The following FUBP1 variants were observed in gnomAD, a reference collection of about 807,000 sequenced individuals.
FUBP1 encodes the protein far upstream element binding protein 1.
A neutral mutation model predicts 94.9 loss-of-function variants in FUBP1; 16 were observed. That is an observed-to-expected ratio of 0.17 (90% CI 0.11 to 0.26). FUBP1 has a LOEUF of 0.26. Among genes scored for constraint, FUBP1 ranks in the 10% least tolerant of loss-of-function variants. The pLI is 1.00. For synonymous variants in FUBP1, 279 were observed against 254.9 expected (o/e 1.09, Z -0.90); for missense variants, 583 against 808.6 (o/e 0.72, Z 3.38).
chr1:77,967,224 G>A (rs1372497421), intron 4 of FUBP1, 123 bp from the exon 5 acceptor site: 54 of 613,800 alleles, frequency 8.8e-5, no homozygotes, highest in South Asian at 5.3e-4. Context: ...AAGGTTCTAG[G>A]CTCAGACTCA....
At chr1:77,975,765 ATTTC>A (rs1308613143) in intron 1 of FUBP1, among the ~76,000 whole-genome samples, 17 of 152,190 alleles carry the variant, frequency 1.1e-4, no homozygotes, top group African/African-American at 4.1e-4. Flanking sequence ...ACAAAAATAA[ATTTC>A]TTAAGTGCAC....
chr1:77,966,624 G>C, intron 7 of FUBP1, 70 bp downstream of exon 7: 3 of 812,224 alleles, frequency 3.7e-6, no homozygotes, highest in Middle Eastern at 6.8e-4. Flanking sequence ...CAGTAACAAA[G>C]AGAAGAGACA....
chr1:77,952,773 T>C (rs1257923576), intron 18 of FUBP1, among the ~76,000 whole-genome samples: 2 of 152,176 alleles, frequency 1.3e-5, no homozygotes, highest in Non-Finnish European at 2.9e-5. Flanking sequence ...AAAAGACAAA[T>C]TGACTCCGTA....
chr1:77,954,173 T>C (rs965048062), intron 18 of FUBP1, among the ~76,000 whole-genome samples: 3 of 152,232 alleles, frequency 2.0e-5, no homozygotes, highest in African/African-American at 7.2e-5. Context: ...TAAAGTTAAG[T>C]TGATTACAGG....
At chr1:77,955,872 G>GGAATAA (rs983134560) in intron 17 of FUBP1, among the ~76,000 whole-genome samples, 27 of 152,194 alleles carry the variant, frequency 1.8e-4, no homozygotes, top group Admixed American at 7.2e-4. Context: ...TCTACTAAAA[G>GGAATAA]GAATAAGAGC....
At chr1:77,955,415 G>A (rs1170868258) in intron 17 of FUBP1, 86 bp from the exon 18 acceptor site, 1 of 749,564 alleles carries the variant, frequency 1.3e-6, no homozygotes, top group African/African-American at 1.7e-5. Context: ...GGAGCTGGCA[G>A]GGGCCTGCAA....
Position 77,945,384 on chromosome 1 carries a change from T to G in FUBP1, c.*3382A>C. 1 of 212,882 alleles carries G rather than the reference T, an allele frequency of 4.7e-6. No individual in the cohort carries two copies. Among genetic ancestry groups the G allele is most frequent in the Admixed American group, 5.8e-5 (1 of 17,096 alleles). 13.2% of individuals were successfully genotyped at this position (212,882 alleles called of 1,614,324 possible). ...AGAAATTTAACAGTTCATGGAACAT[T>G]TAAGATCAAGTGAATAGCACTTTAA... is the stretch of plus-strand genomic sequence containing the variant. On this transcript the variant is annotated 3_prime_UTR_variant, in exon 20 of 20. Transcript: ENST00000370768.
intron 14 of FUBP1, among the ~76,000 whole-genome samples, 155 bp downstream of exon 14, chr1:77,962,615 G>A (rs1655706318): frequency 6.6e-6 from 1 of 152,102 alleles, no homozygotes; most frequent in Admixed American, 6.5e-5. Flanking sequence ...TTCATTGCTG[G>A]AAAATCTTCA....
At chr1:77,972,005 A>C (rs1383650146) in intron 1 of FUBP1, among the ~76,000 whole-genome samples, 1 of 71,618 alleles carries the variant, frequency 1.4e-5, no homozygotes, top group Non-Finnish European at 2.4e-5. Context: ...ACTCTGTCTC[A>C]AAAAAAAAAA....
intron 4 of FUBP1, 90 bp downstream of exon 4, chr1:77,967,537 A>T: frequency 3.3e-6 from 3 of 906,906 alleles, no homozygotes; most frequent in Non-Finnish European, 3.6e-6. Flanking sequence ...ATACACAGAC[A>T]CATATTCAAT....
chr1:77,970,267 A>G (rs1657269840), intron 1 of FUBP1, among the ~76,000 whole-genome samples: 1 of 152,208 alleles, frequency 6.6e-6, no homozygotes. Flanking sequence ...ATCAACTAGG[A>G]ATCCGGAAGA....
upstream of FUBP1, chr1:77,979,202 G>A (rs111774384): frequency 5.2e-6 from 3 of 578,028 alleles, no homozygotes; most frequent in Non-Finnish European, 9.2e-6. Flanking sequence ...GGCTGAGAAA[G>A]AACGACAGGA....
At chr1:77,964,592 T>G (rs1656126975) in intron 10 of FUBP1, 54 bp downstream of exon 10, 4 of 981,746 alleles carry the variant, frequency 4.1e-6, no homozygotes, top group Non-Finnish European at 6.6e-6. Flanking sequence ...CAGAAAACAC[T>G]ATTATATTTA....
chr1:77,960,237 T>G lies in FUBP1; in HGVS notation c.1523A>C (p.Gln508Pro). Residue 508 changes from glutamine (Q) to proline (P), a missense_variant, in exon 16 of 20, where the codon CAG becomes CCG. Coordinates refer to ENST00000370768, the MANE Select transcript of FUBP1 (RefSeq NM_003902.5). Reference protein sequence around the residue: ...PHGPPAPYAPQGWGNAYPHWQ... With the variant: ...PHGPPAPYAPPGWGNAYPHWQ... Reference sequence around the variant, plus strand: ...GTGTGGATATGCATTTCCCCATCCCTGGGGAGCATATGGGGCTGGAGGACC... The same window carrying G: ...GTGTGGATATGCATTTCCCCATCCCGGGGGAGCATATGGGGCTGGAGGACC... 1 of 1,612,942 alleles carries G rather than the reference T, an allele frequency of 6.2e-7. No individual in the cohort carries two copies. The highest frequency in any genetic ancestry group is 8.5e-7 in the Non-Finnish European group (1 of 1,179,308).
chr1:77,964,580 A>T, intron 10 of FUBP1, 66 bp downstream of exon 10: 2 of 936,090 alleles, frequency 2.1e-6, no homozygotes, highest in South Asian at 2.8e-5. Context: ...CTTAACACAA[A>T]ACAGAAAACA....
At chr1:77,972,100 T>G (rs1420663920) in intron 1 of FUBP1, among the ~76,000 whole-genome samples, 3 of 152,186 alleles carry the variant, frequency 2.0e-5, no homozygotes, top group Non-Finnish European at 4.4e-5. Context: ...TGTTTTTGTT[T>G]CTGGGTGTCT....
At position 77,947,325 on chromosome 1, in the gene FUBP1, T is replaced by C. The variant is rs1254675806; in HGVS notation, c.*1441A>G. The C allele has an allele frequency of 7.8e-6, 3 of 382,302 alleles. No individual in the cohort carries two copies. Among genetic ancestry groups the C allele is most frequent in the East Asian group, 9.1e-5 (2 of 21,862 alleles). 23.7% of individuals were successfully genotyped at this position (382,302 alleles called of 1,614,324 possible). On this transcript the variant is annotated 3_prime_UTR_variant, in exon 20 of 20. Transcript: ENST00000370768. ...TCTATGTTAAATTAAGAGGCAGTTA[T>C]GGTTTTCCAAGATATCAGCACTGTA...
chr1:77,979,012 C>G lies in FUBP1; in HGVS notation c.-8G>C. 6.2e-7 allele frequency: 1 copy of G among 1,603,822 alleles called. No homozygotes were observed. The highest frequency in any genetic ancestry group is 8.5e-7 in the Non-Finnish European group (1 of 1,172,630). The stretch of plus-strand genomic sequence containing the variant: ...TGTTGAATAGTCTGCCATGGTTGCA[C>G]TATAAGAGCCGCTGCCGCCTGTTCA... On this transcript the variant is annotated 5_prime_UTR_variant, in exon 1 of 20. Coordinates refer to ENST00000370768, the MANE Select transcript of FUBP1 (RefSeq NM_003902.5).
chr1:77,951,091 C>T (rs552874773), intron 18 of FUBP1, among the ~76,000 whole-genome samples: 1 of 152,292 alleles, frequency 6.6e-6, no homozygotes, highest in African/African-American at 2.4e-5. Context: ...GTGACAATAG[C>T]AATAAAACCA....
Sources: gnomAD v4.1 joint callset for allele counts (sites outside exome capture counted in the v4.1 genomes callset) on GRCh38, gnomAD v4.1.1 for gene constraint, MANE v1.5 for transcripts, NCBI Gene and HGNC (gene_info 2026-07-23, HGNC 2026-07-21) for gene names.